AVEN: variants seen among roughly 807,000 people sequenced by gnomAD.
AVEN encodes cell death regulator Aven.
In AVEN, 41 loss-of-function variants were observed where a neutral mutation model predicts 38.1. That is an observed-to-expected ratio of 1.08 (90% CI 0.84 to 1.40). The LOEUF (loss-of-function observed/expected upper bound fraction) is 1.40. Ranked by LOEUF, AVEN falls within the 40% of genes most tolerant of loss-of-function variation. The probability of loss-of-function intolerance (pLI) is 0.00; values close to 1 mark genes in which losing one functional copy is unlikely to be tolerated. For synonymous variants in AVEN, 206 were observed against 171.8 expected (o/e 1.20, Z -1.56); for missense variants, 605 against 438.8 (o/e 1.38, Z -3.38).
intron 2 of AVEN, among the ~76,000 whole-genome samples, chr15:33,909,857 G>A (rs183856618): frequency 7.4e-4 from 112 of 151,936 alleles, no homozygotes; most frequent in East Asian, 2.3e-3. Context: ...GGCCGGGCAC[G>A]GTGGCTCATG....
chr15:33,890,604 G>A (rs1891903170), intron 2 of AVEN, among the ~76,000 whole-genome samples: 1 of 152,028 alleles, frequency 6.6e-6, no homozygotes, highest in African/African-American at 2.4e-5. Context: ...GAAATTTCTA[G>A]TAAATCAAAT....
At chr15:33,950,504 AAAAG>A (rs2098087724) in intron 2 of AVEN, among the ~76,000 whole-genome samples, 1 of 152,214 alleles carries the variant, frequency 6.6e-6, no homozygotes, top group African/African-American at 2.4e-5. Flanking sequence ...TGAGAGGAAA[AAAAG>A]AAAGACATCA....
intron 2 of AVEN, among the ~76,000 whole-genome samples, chr15:33,913,654 C>T (rs541039257): frequency 6.6e-6 from 1 of 152,290 alleles, no homozygotes; most frequent in South Asian, 2.1e-4. Context: ...TGTACATTTC[C>T]TGTAAAACTG....
intron 2 of AVEN, among the ~76,000 whole-genome samples, chr15:33,963,726 G>C (rs1449048489): frequency 1.3e-5 from 2 of 149,424 alleles, no homozygotes; most frequent in Non-Finnish European, 3.0e-5. Context: ...GAACCTGGGA[G>C]GCAGAGGTTG....
rs1171463772 is a variant in AVEN at position 34,014,367 on chromosome 15, T to TAAAAAAAAA, written c.268-11167_268-11159dup. On this transcript the variant is annotated intron_variant, in intron 1 of 5. Coordinates refer to ENST00000306730, the MANE Select transcript of AVEN (RefSeq NM_020371.3). ...CAACAAGAGCGAAACTCCATCTCAT[T>TAAAAAAAAA]AAAAAAAAAAAAAAAAACAAAAACA... Among the ~76,000 whole-genome samples the TAAAAAAAAA allele has an allele frequency of 1.5e-3, 21 of 13,562 alleles. 5 individuals are homozygous for TAAAAAAAAA. The highest frequency in any genetic ancestry group is 3.6e-3 in the African/African-American group (21 of 5,846). 8.9% of individuals were successfully genotyped at this position (13,562 alleles called of 152,430 possible). A position where few individuals can be genotyped will look rare whatever the true frequency, so the allele number is the denominator to read the frequency against.
chr15:33,907,586 C>G (rs1263776161), intron 2 of AVEN, among the ~76,000 whole-genome samples: 1 of 152,150 alleles, frequency 6.6e-6, no homozygotes, highest in Admixed American at 6.5e-5. Context: ...TAATGTATCA[C>G]AGCCTTGGAA....
At chr15:34,037,120 A>G (rs76418984) in intron 1 of AVEN, among the ~76,000 whole-genome samples, 1 of 150,686 alleles carries the variant, frequency 6.6e-6, no homozygotes, top group Non-Finnish European at 1.5e-5. Flanking sequence ...AAAAAAAAAA[A>G]AAAAATATAT....
At chr15:33,869,075 G>A (rs1890825498) in intron 4 of AVEN, among the ~76,000 whole-genome samples, 1 of 152,178 alleles carries the variant, frequency 6.6e-6, no homozygotes, top group Admixed American at 6.5e-5. Context: ...GAGCAGACAT[G>A]TAAGACGGTA....
intron 1 of AVEN, among the ~76,000 whole-genome samples, chr15:34,029,891 T>C (rs547649474): frequency 6.6e-6 from 1 of 152,322 alleles, no homozygotes; most frequent in East Asian, 1.9e-4. Context: ...AAAATGATGT[T>C]GAAACATTCT....
intron 2 of AVEN, among the ~76,000 whole-genome samples, chr15:33,921,431 G>C (rs984897957): frequency 5.0e-5 from 4 of 80,586 alleles, no homozygotes; most frequent in African/African-American, 1.4e-4. Flanking sequence ...GAACAGGGAG[G>C]AGAGTGAGAG....
downstream of AVEN, chr15:33,854,734 A>G (rs2079467806): frequency 3.2e-6 from 5 of 1,578,980 alleles, no homozygotes; most frequent in South Asian, 2.4e-5. Context: ...TGAGGCAAAC[A>G]TGCTTAAAAG....
intron 2 of AVEN, among the ~76,000 whole-genome samples, chr15:33,981,734 C>T (rs1304068619): frequency 6.6e-6 from 1 of 152,164 alleles, no homozygotes; most frequent in Non-Finnish European, 1.5e-5. Context: ...TAATTTATCT[C>T]ATCTATAAAA....
chr15:33,879,696 A>G (rs1473574437), intron 2 of AVEN, among the ~76,000 whole-genome samples: 1 of 152,206 alleles, frequency 6.6e-6, no homozygotes, highest in East Asian at 1.9e-4. Flanking sequence ...GTGAAATCCT[A>G]CGGAATTGAT....
chr15:33,974,059 G>C (rs1212800718), intron 2 of AVEN, among the ~76,000 whole-genome samples: 1 of 152,090 alleles, frequency 6.6e-6, no homozygotes, highest in East Asian at 1.9e-4. Context: ...GATATTATGA[G>C]GTATGCAAAT....
intron 2 of AVEN, among the ~76,000 whole-genome samples, chr15:33,882,932 GAGAT>G (rs1211797662): frequency 2.6e-5 from 4 of 152,190 alleles, no homozygotes; most frequent in East Asian, 1.9e-4. Flanking sequence ...ATAAATATAA[GAGAT>G]AGCAGCAATC....
At chr15:34,041,805 A>C (rs1899486770), upstream of AVEN, among the ~76,000 whole-genome samples, 1 of 152,196 alleles carries the variant, frequency 6.6e-6, no homozygotes, top group Non-Finnish European at 1.5e-5. Context: ...GAGTTGCAAA[A>C]AAGTTAAATA....
chr15:33,982,407 A>T (rs1353746689), intron 2 of AVEN, among the ~76,000 whole-genome samples: 1 of 152,164 alleles, frequency 6.6e-6, no homozygotes, highest in Non-Finnish European at 1.5e-5. Context: ...TGCCAAAAAT[A>T]AAAATTAAAA....
intron 1 of AVEN, among the ~76,000 whole-genome samples, chr15:34,024,519 A>G (rs1013481576): frequency 2.7e-5 from 4 of 150,548 alleles, no homozygotes; most frequent in Non-Finnish European, 3.0e-5. Context: ...CAGAATATTC[A>G]TTAAGGAAAA....
chr15:33,874,500 A>G (rs1891140072), intron 3 of AVEN, among the ~76,000 whole-genome samples: 1 of 152,166 alleles, frequency 6.6e-6, no homozygotes, highest in South Asian at 2.1e-4. Flanking sequence ...CGTTCAAATG[A>G]TCTTTTCCCC....
Sources: gnomAD v4.1 joint callset for allele counts (sites outside exome capture counted in the v4.1 genomes callset) on GRCh38, gnomAD v4.1.1 for gene constraint, MANE v1.5 for transcripts, NCBI Gene and HGNC (gene_info 2026-07-23, HGNC 2026-07-21) for gene names.